The following SRGAP1 variants were observed in gnomAD, a reference collection of about 807,000 sequenced individuals.
SRGAP1 encodes SLIT-ROBO Rho GTPase-activating protein 1.
SRGAP1 carries 43 observed loss-of-function variants against 121.9 expected under a neutral mutation model. That is an observed-to-expected ratio of 0.35 (90% CI 0.28 to 0.46). SRGAP1 has a LOEUF of 0.46. Ranked by LOEUF, SRGAP1 falls within the 20% of genes least tolerant of loss-of-function variation. The probability of loss-of-function intolerance (pLI) is 1.00; values close to 1 mark genes in which losing one functional copy is unlikely to be tolerated. For missense variants in SRGAP1, 1,102 were observed against 1,350.9 expected (o/e 0.82, Z 2.89); for synonymous variants, 447 against 485.4 (o/e 0.92, Z 1.04).
At chr12:63,971,751 G>T (rs1423754781) in intron 1 of SRGAP1, among the ~76,000 whole-genome samples, 1 of 150,708 alleles carries the variant, frequency 6.6e-6, no homozygotes, top group East Asian at 1.9e-4. Flanking sequence ...TGGGTATAGG[G>T]GTGTGTGTGT....
intron 1 of SRGAP1, among the ~76,000 whole-genome samples, chr12:63,927,584 C>CAT (rs568470857): frequency 7.7e-4 from 117 of 152,272 alleles, no homozygotes; most frequent in African/African-American, 2.7e-3. Flanking sequence ...TTCTTTAGTT[C>CAT]ATACTGTAAC....
In SRGAP1 at chr12:64,147,643, C is replaced by T; in HGVS notation, c.*4971C>T. Reference sequence around the variant, plus strand: ...CTGCCTCTCACCATTTCATTCCCTCCTCTCTGAGGTGAAAATAAAGGGGGA... The same window carrying T: ...CTGCCTCTCACCATTTCATTCCCTCTTCTCTGAGGTGAAAATAAAGGGGGA... On this transcript the variant is annotated 3_prime_UTR_variant, in exon 22 of 22. Transcript: ENST00000355086. 1 of 398,656 alleles carries T rather than the reference C, an allele frequency of 2.5e-6. No homozygotes were observed. Among genetic ancestry groups the T allele is most frequent in the Non-Finnish European group, 4.4e-6 (1 of 226,078 alleles). 24.7% of individuals were successfully genotyped at this position (398,656 alleles called of 1,614,324 possible).
At chr12:63,864,377 T>TAACA (rs1347069649) in intron 1 of SRGAP1, among the ~76,000 whole-genome samples, 1 of 152,208 alleles carries the variant, frequency 6.6e-6, no homozygotes, top group Non-Finnish European at 1.5e-5. Flanking sequence ...AGATACCATA[T>TAACA]AACACTCTGA....
At chr12:64,077,298 A>G (rs2035755372) in intron 8 of SRGAP1, among the ~76,000 whole-genome samples, 1 of 152,046 alleles carries the variant, frequency 6.6e-6, no homozygotes, top group Admixed American at 6.6e-5. Context: ...TAGTAAATGA[A>G]GGTGAAATAA....
In SRGAP1 at chr12:64,032,958, C is replaced by G. The variant is rs191330685; in HGVS notation, c.490-9832C>G. On this transcript the variant is annotated intron_variant, in intron 4 of 21. Transcript: ENST00000355086. The stretch of plus-strand genomic sequence containing the variant: ...GTAGAGGGAAACATCACACTGTACC[C>G]CATAAATGTGTACAATTTTTTTGTG... Among the ~76,000 whole-genome samples the G allele has an allele frequency of 3.0e-4, 45 of 151,856 alleles. 1 individual carries two copies. Among genetic ancestry groups the G allele is most frequent in the Admixed American group, 2.4e-3 (36 of 15,234 alleles).
At chr12:64,040,502 T>C (rs1173677810) in intron 4 of SRGAP1, among the ~76,000 whole-genome samples, 1 of 152,204 alleles carries the variant, frequency 6.6e-6, no homozygotes, top group Non-Finnish European at 1.5e-5. Flanking sequence ...ATCCTTTGCA[T>C]TGGAGTCATC....
chr12:63,985,055 G>A (rs1049077408), intron 2 of SRGAP1, among the ~76,000 whole-genome samples: 26 of 150,152 alleles, frequency 1.7e-4, no homozygotes, highest in Non-Finnish European at 2.7e-4. Flanking sequence ...AGAAAGACAA[G>A]TAAGCAGACA....
intron 1 of SRGAP1, among the ~76,000 whole-genome samples, chr12:63,860,705 T>C (rs1209473373): frequency 6.6e-6 from 1 of 152,218 alleles, no homozygotes; most frequent in African/African-American, 2.4e-5. Context: ...GCCAGAAGTA[T>C]GTTTATTAGT....
chr12:63,864,958 T>A (rs1256976068), intron 1 of SRGAP1, among the ~76,000 whole-genome samples: 2 of 152,244 alleles, frequency 1.3e-5, no homozygotes, highest in Admixed American at 1.3e-4. Context: ...AAATAGAGAT[T>A]GATAAGGCAG....
At position 64,042,876 on chromosome 12, in the gene SRGAP1, A is replaced by G; in HGVS notation, c.576A>G (p.Gln192=). 1.2e-6 allele frequency: 2 copies of G among 1,613,898 alleles called. No homozygotes were observed. The highest frequency in any genetic ancestry group is 1.7e-6 in the Non-Finnish European group (2 of 1,179,866). The change falls in exon 5 of 22, where the codon CAA becomes CAG. Residue 192 remains glutamine, a synonymous_variant. Coordinates refer to ENST00000355086, the MANE Select transcript of SRGAP1 (RefSeq NM_020762.4). ...AGGCCGAAAAACAAGAGGAAAAGCA[A>G]ATTGGGAGATCTGGTGATCCAGTCT... is the stretch of plus-strand genomic sequence containing the variant. ...LKEAEKQEEK[Q]IGRSGDPVFH...
chr12:64,008,304 C>A (rs549299429), intron 3 of SRGAP1, among the ~76,000 whole-genome samples: 1 of 152,152 alleles, frequency 6.6e-6, no homozygotes, highest in Admixed American at 6.5e-5. Flanking sequence ...TTTAAAATTT[C>A]TCTGATTGTA....
At chr12:64,131,156 C>T (rs969844451) in intron 21 of SRGAP1, among the ~76,000 whole-genome samples, 5 of 152,172 alleles carry the variant, frequency 3.3e-5, no homozygotes, top group African/African-American at 1.2e-4. Flanking sequence ...TGAATGGTGT[C>T]CACAGAATGG....
intron 4 of SRGAP1, among the ~76,000 whole-genome samples, chr12:64,018,505 A>G (rs1269250442): frequency 1.3e-5 from 2 of 152,192 alleles, no homozygotes; most frequent in African/African-American, 4.8e-5. Context: ...TTGTAAATTA[A>G]ATTTTTAATG....
intron 1 of SRGAP1, among the ~76,000 whole-genome samples, chr12:63,849,263 C>A (rs1171404099): frequency 6.6e-6 from 1 of 152,238 alleles, no homozygotes; most frequent in Non-Finnish European, 1.5e-5. Context: ...AATTGGCTAG[C>A]AGAAGGTTTT....
chr12:64,060,104 T>C (rs1283843075), intron 6 of SRGAP1, among the ~76,000 whole-genome samples: 1 of 152,082 alleles, frequency 6.6e-6, no homozygotes, highest in Non-Finnish European at 1.5e-5. Context: ...GATTCTGAAA[T>C]AGGTCGGGGT....
At chr12:63,944,602 C>T (rs183651908) in intron 1 of SRGAP1, among the ~76,000 whole-genome samples, 2 of 152,256 alleles carry the variant, frequency 1.3e-5, no homozygotes, top group African/African-American at 4.8e-5. Flanking sequence ...GTTTCTACCC[C>T]TCCTGCACAG....
intron 1 of SRGAP1, among the ~76,000 whole-genome samples, chr12:63,978,366 T>A (rs1404316953): frequency 6.6e-6 from 1 of 152,212 alleles, no homozygotes; most frequent in Admixed American, 6.5e-5. Flanking sequence ...AGCAGCCATT[T>A]TTCCCCAACC....
At position 64,115,867 on chromosome 12, in the gene SRGAP1, G is replaced by A; in HGVS notation, c.2198G>A (p.Gly733Asp). Residue 733 changes from glycine to aspartate, a missense_variant, in exon 18 of 22, where the codon GGT becomes GAT. Gly to Asp is a moderately conservative substitution (Grantham distance 94). Coordinates refer to ENST00000355086, the MANE Select transcript of SRGAP1 (RefSeq NM_020762.4). Reference protein sequence around the residue: ...GTLEEVDQDAGTEPHTSEDEC... With the variant: ...GTLEEVDQDADTEPHTSEDEC... ...TTGGAGGAAGTGGACCAAGATGCTG[G>A]TACAGAGCCCCACACAAGTGAAGAT... is the stretch of plus-strand genomic sequence containing the variant. 1 of 1,613,384 alleles carries A rather than the reference G, an allele frequency of 6.2e-7. No individual in the cohort carries two copies. Among genetic ancestry groups the A allele is most frequent in the Non-Finnish European group, 8.5e-7 (1 of 1,179,600 alleles).
chr12:63,987,520 C>A (rs2033449146), intron 2 of SRGAP1, among the ~76,000 whole-genome samples: 1 of 151,994 alleles, frequency 6.6e-6, no homozygotes, highest in Admixed American at 6.6e-5. Context: ...GTCAGGAGTT[C>A]AAGACCAGCC....
Sources: gnomAD v4.1 joint callset for allele counts (sites outside exome capture counted in the v4.1 genomes callset) on GRCh38, gnomAD v4.1.1 for gene constraint, MANE v1.5 for transcripts, NCBI Gene and HGNC (gene_info 2026-07-23, HGNC 2026-07-21) for gene names.